DCC: variants seen among roughly 807,000 people sequenced by gnomAD.
DCC encodes the protein netrin receptor DCC.
In DCC, 58 loss-of-function variants were observed where a neutral mutation model predicts 172.5. The observed-to-expected ratio is 0.34, with a 90% CI of 0.27 to 0.42. The LOEUF (loss-of-function observed/expected upper bound fraction) is 0.42, where lower values mean the gene tolerates loss of function less well. Ranked by LOEUF, DCC falls within the 10% of genes least tolerant of loss-of-function variation. The pLI is 1.00. For missense variants in DCC, 1,740 were observed against 1,791.0 expected (o/e 0.97, Z 0.51); for synonymous variants, 709 against 644.5 (o/e 1.10, Z -1.52).
At chr18:53,460,850 C>T (rs1183456188) in intron 24 of DCC, among the ~76,000 whole-genome samples, 2 of 152,226 alleles carry the variant, frequency 1.3e-5, no homozygotes, top group African/African-American at 2.4e-5. Context: ...CCTGAGGAAT[C>T]GCCACACTGA....
intron 15 of DCC, among the ~76,000 whole-genome samples, chr18:53,378,029 T>C (rs576145682): frequency 6.6e-6 from 1 of 152,280 alleles, no homozygotes; most frequent in African/African-American, 2.4e-5. Flanking sequence ...TGGCGCAATC[T>C]CAGCTCACTG....
chr18:52,709,895 T>C (rs535600679), intron 1 of DCC, among the ~76,000 whole-genome samples: 1 of 152,298 alleles, frequency 6.6e-6, no homozygotes, highest in East Asian at 1.9e-4. Flanking sequence ...TTAATAGCAG[T>C]GAGATAGATT....
intron 12 of DCC, among the ~76,000 whole-genome samples, chr18:53,276,413 A>G (rs1275297120): frequency 6.6e-6 from 1 of 152,130 alleles, no homozygotes; most frequent in African/African-American, 2.4e-5. Context: ...TTCTCATTCC[A>G]TTGTTCTTGC....
chr18:53,143,819 T>C (rs1200227798), intron 7 of DCC, among the ~76,000 whole-genome samples: 1 of 152,268 alleles, frequency 6.6e-6, no homozygotes, highest in Non-Finnish European at 1.5e-5. Context: ...GAATGTGTTA[T>C]ATAATTTACT....
chr18:53,334,202 T>A (rs1169157223), intron 14 of DCC, among the ~76,000 whole-genome samples: 3 of 152,100 alleles, frequency 2.0e-5, no homozygotes, highest in Non-Finnish European at 2.9e-5. Flanking sequence ...CCAAACTTCT[T>A]TTTCACCCAG....
chr18:52,874,785 G>A (rs1244986873), intron 2 of DCC, among the ~76,000 whole-genome samples: 1 of 152,176 alleles, frequency 6.6e-6, no homozygotes, highest in African/African-American at 2.4e-5. Context: ...CATAGAGACA[G>A]AAGGCAGGGC....
chr18:52,931,789 A>T (rs1257111291), intron 5 of DCC: 2 of 152,094 alleles, frequency 1.3e-5, no homozygotes, highest in Admixed American at 1.3e-4. Context: ...GACTTACAGT[A>T]ATCATCGATA....
chr18:53,270,850 C>CT (rs924600710), intron 12 of DCC, among the ~76,000 whole-genome samples: 5 of 152,076 alleles, frequency 3.3e-5, no homozygotes, highest in Non-Finnish European at 5.9e-5. Context: ...TCTCTAGGAT[C>CT]TTTTTTCTAG....
chr18:52,672,509 T>C (rs1437291381), intron 1 of DCC, among the ~76,000 whole-genome samples: 2 of 151,942 alleles, frequency 1.3e-5, no homozygotes, highest in Admixed American at 6.6e-5. Flanking sequence ...TTTCTTTCCT[T>C]ACTTCCTCAT....
intron 8 of DCC, among the ~76,000 whole-genome samples, chr18:53,175,078 C>G (rs893827307): frequency 2.4e-4 from 36 of 151,996 alleles, no homozygotes; most frequent in African/African-American, 8.2e-4. Context: ...ACAAAAACCA[C>G]ATGATTATCT....
intron 2 of DCC, among the ~76,000 whole-genome samples, chr18:52,830,673 C>T (rs774167304): frequency 3.9e-5 from 6 of 152,154 alleles, no homozygotes; most frequent in Non-Finnish European, 8.8e-5. Flanking sequence ...GTACAAAATG[C>T]TGTCATTGTT....
chr18:53,079,272 G>A (rs4129322), intron 7 of DCC, among the ~76,000 whole-genome samples: 24,058 of 151,722 alleles, frequency 0.16, 2,607 homozygotes, highest in East Asian at 0.36. Context: ...TTTTTGACAC[G>A]TAGACCACCT....
At chr18:52,970,675 A>T (rs1364355255) in intron 5 of DCC, among the ~76,000 whole-genome samples, 8 of 152,224 alleles carry the variant, frequency 5.3e-5, no homozygotes, top group Admixed American at 3.9e-4. Context: ...AAAAGAAATT[A>T]TAAATATAGC....
chr18:52,434,728 T>G (rs1987735044), intron 1 of DCC, among the ~76,000 whole-genome samples: 2 of 151,946 alleles, frequency 1.3e-5, no homozygotes, highest in Admixed American at 1.3e-4. Flanking sequence ...CCTAGATGTA[T>G]CACTATAAAT....
chr18:52,686,524 T>G (rs1035650821), intron 1 of DCC, among the ~76,000 whole-genome samples: 2 of 152,128 alleles, frequency 1.3e-5, no homozygotes, highest in Non-Finnish European at 2.9e-5. Context: ...ACCCCTACTT[T>G]GTCAGCCCAC....
chr18:52,660,467 T>G (rs1367252733), intron 1 of DCC, among the ~76,000 whole-genome samples: 1 of 152,150 alleles, frequency 6.6e-6, no homozygotes, highest in Non-Finnish European at 1.5e-5. Flanking sequence ...GTCACTTGTA[T>G]GACTGCCTTG....
chr18:53,085,774 A>G, intron 7 of DCC, among the ~76,000 whole-genome samples: 1 of 151,772 alleles, frequency 6.6e-6, no homozygotes. Flanking sequence ...TTGAACTTAG[A>G]CCATACAAAG....
chr18:52,982,068 G>C (rs1598996151), intron 5 of DCC, among the ~76,000 whole-genome samples: 1 of 152,250 alleles, frequency 6.6e-6, no homozygotes, highest in East Asian at 1.9e-4. Context: ...TTCTAAGATA[G>C]CTTCAAAGAC....
At chr18:53,488,620 ACT>A (rs1415031892) in intron 26 of DCC, among the ~76,000 whole-genome samples, 22 of 152,006 alleles carry the variant, frequency 1.4e-4, no homozygotes, top group Non-Finnish European at 5.9e-5. Flanking sequence ...AGCATGTGAA[ACT>A]CTCTCTTATT....
Sources: gnomAD v4.1 joint callset for allele counts (sites outside exome capture counted in the v4.1 genomes callset) on GRCh38, gnomAD v4.1.1 for gene constraint, MANE v1.5 for transcripts, NCBI Gene and HGNC (gene_info 2026-07-23, HGNC 2026-07-21) for gene names.